Variants in HPCAL1 observed in about 807,000 individuals in gnomAD.
HPCAL1 encodes hippocalcin-like protein 1.
Under a neutral mutation model 17.1 loss-of-function variants are expected in HPCAL1, and 8 were observed. That is an observed-to-expected ratio of 0.47 (90% CI 0.27 to 0.84). HPCAL1 has a LOEUF of 0.84. Ranked by LOEUF, HPCAL1 falls within the 40% of genes least tolerant of loss-of-function variation. The pLI is 0.13. For synonymous variants in HPCAL1, 112 were observed against 111.4 expected, an observed-to-expected ratio of 1.01 and a Z score of -0.03; for missense variants, 165 against 271.1, an observed-to-expected ratio of 0.61 and a Z score of 2.75.
At chr2:10,411,723 C>T (rs545543623) in intron 2 of HPCAL1, among the ~76,000 whole-genome samples, 33 of 152,328 alleles carry the variant, frequency 2.2e-4, no homozygotes, top group Non-Finnish European at 4.9e-4. Context: ...ACACTGAGCA[C>T]CCCGCTGGCA....
In HPCAL1 at chr2:10,395,017, G is replaced by A. The variant is rs1294801788; in HGVS notation, c.-110-1818G>A. Among the ~76,000 whole-genome samples the A allele has an allele frequency of 2.0e-5, 3 of 151,624 alleles. No homozygotes were observed. In the East Asian group the frequency reaches 5.8e-4, roughly 30 times the overall value. ...TCATCATGTTGCCCAGGGTGGTCTCGAACTCCTGGAGTCAAGCAATCCACC... is the reference window on the plus strand; with the variant it reads ...TCATCATGTTGCCCAGGGTGGTCTCAAACTCCTGGAGTCAAGCAATCCACC... On this transcript the variant is annotated intron_variant, in intron 1 of 4. Transcript: ENST00000307845. The surrounding 1 kb of genome is among the most constrained non-coding windows in gnomAD (Gnocchi z 4.4).
At chr2:10,426,501 C>T (rs1286733398) in intron 4 of HPCAL1, 1 of 538,824 alleles carries the variant, frequency 1.9e-6, no homozygotes, top group Non-Finnish European at 3.4e-6. Flanking sequence ...GCTGGGTAAG[C>T]CCTTTGAGGT....
intron 2 of HPCAL1, among the ~76,000 whole-genome samples, chr2:10,418,726 G>A (rs1245063072): frequency 1.3e-5 from 2 of 152,158 alleles, no homozygotes; most frequent in African/African-American, 2.4e-5. Context: ...AGTGGCAGCC[G>A]TGTGAATGCC....
chr2:10,413,583 G>A (rs1247258712), intron 2 of HPCAL1, among the ~76,000 whole-genome samples: 1 of 152,236 alleles, frequency 6.6e-6, no homozygotes, highest in East Asian at 1.9e-4. Flanking sequence ...GCAGGAAGGT[G>A]CTGGGAATGC....
intron 1 of HPCAL1, among the ~76,000 whole-genome samples, chr2:10,364,968 G>A (rs556790966): frequency 5.3e-5 from 8 of 152,268 alleles, no homozygotes; most frequent in Admixed American, 3.9e-4. Context: ...CCACTGTGGG[G>A]CCTTCTACAA....
At chr2:10,346,808 T>TGGA (rs1052234922) in intron 1 of HPCAL1, among the ~76,000 whole-genome samples, 3 of 152,052 alleles carry the variant, frequency 2.0e-5, no homozygotes. Context: ...CATGTCTTTG[T>TGGA]GCTCCTCCAC....
chr2:10,404,077 C>T (rs1669814249), intron 2 of HPCAL1, among the ~76,000 whole-genome samples: 1 of 152,174 alleles, frequency 6.6e-6, no homozygotes, highest in Non-Finnish European at 1.5e-5. Context: ...TTTGTCCATT[C>T]ATTACCCATG....
chr2:10,334,903 C>T lies in HPCAL1; in HGVS notation c.-111+31726C>T, dbSNP rs755865133. ...AAGTTGCCCAGCCTGGTCTTGAACTCCTGAGCGCAAGTGAGCCACCTGCCT... is the reference window on the plus strand; with the variant it reads ...AAGTTGCCCAGCCTGGTCTTGAACTTCTGAGCGCAAGTGAGCCACCTGCCT... On this transcript the variant is annotated intron_variant, in intron 1 of 4. Coordinates refer to ENST00000307845, the MANE Select transcript of HPCAL1 (RefSeq NM_002149.4). Among the ~76,000 whole-genome samples the T allele has an allele frequency of 4.6e-5, 7 of 152,348 alleles. No homozygotes were observed. The South Asian group carries it at 6.2e-4, about 14-fold the overall frequency.
At chr2:10,376,119 C>T (rs910382572) in intron 1 of HPCAL1, among the ~76,000 whole-genome samples, 50 of 152,298 alleles carry the variant, frequency 3.3e-4, no homozygotes, top group African/African-American at 1.2e-3. Context: ...GGCTCCCCAT[C>T]GCCTCCCACC....
chr2:10,355,644 C>G (rs1037407561), intron 1 of HPCAL1, among the ~76,000 whole-genome samples: 1 of 151,914 alleles, frequency 6.6e-6, no homozygotes, highest in Non-Finnish European at 1.5e-5. Flanking sequence ...ACAGGGACAC[C>G]CAGAGAGCGG....
chr2:10,399,936 A>G (rs1412578452), intron 2 of HPCAL1, among the ~76,000 whole-genome samples: 2 of 152,232 alleles, frequency 1.3e-5, no homozygotes, highest in Admixed American at 6.5e-5. Flanking sequence ...GACCAGAGTA[A>G]ACCTGGCCCC....
intron 1 of HPCAL1, among the ~76,000 whole-genome samples, chr2:10,307,353 T>C (rs1173114416): frequency 6.6e-6 from 1 of 152,216 alleles, no homozygotes; most frequent in African/African-American, 2.4e-5. Context: ...AAGTGAGGTC[T>C]CCTCTCAGGT....
chr2:10,321,989 A>G (rs1663697480), intron 1 of HPCAL1, among the ~76,000 whole-genome samples: 1 of 152,152 alleles, frequency 6.6e-6, no homozygotes, highest in African/African-American at 2.4e-5. Flanking sequence ...TCTCTTAGGC[A>G]AATAGAGAGA....
chr2:10,316,626 G>A (rs2125394391), intron 1 of HPCAL1, among the ~76,000 whole-genome samples: 1 of 152,308 alleles, frequency 6.6e-6, no homozygotes, highest in Middle Eastern at 3.4e-3. Context: ...GGAAAGTTAT[G>A]AAGATGAGGC....
chr2:10,314,396 T>C (rs1453366784), intron 1 of HPCAL1, among the ~76,000 whole-genome samples: 2 of 152,132 alleles, frequency 1.3e-5, no homozygotes, highest in Non-Finnish European at 2.9e-5. Context: ...TCCTGTTAAC[T>C]TCCTATATTA....
chr2:10,383,879 GC>G (rs1483379457), intron 1 of HPCAL1, among the ~76,000 whole-genome samples: 5 of 151,910 alleles, frequency 3.3e-5, no homozygotes, highest in African/African-American at 1.2e-4. Flanking sequence ...ATGCTGGTAG[GC>G]ATGTCCCCTC....
At chr2:10,416,395 G>A (rs1670678268) in intron 2 of HPCAL1, among the ~76,000 whole-genome samples, 1 of 152,170 alleles carries the variant, frequency 6.6e-6, no homozygotes, top group Non-Finnish European at 1.5e-5. Context: ...GATCCGCCAA[G>A]GCAACACAGG....
At chr2:10,346,446 T>C (rs1665456566) in intron 1 of HPCAL1, among the ~76,000 whole-genome samples, 1 of 152,224 alleles carries the variant, frequency 6.6e-6, no homozygotes, top group Non-Finnish European at 1.5e-5. Flanking sequence ...TTTGTCTGCC[T>C]GGCCCCAGTC....
At chr2:10,353,460 C>T (rs1665948521) in intron 1 of HPCAL1, among the ~76,000 whole-genome samples, 1 of 152,176 alleles carries the variant, frequency 6.6e-6, no homozygotes, top group Non-Finnish European at 1.5e-5. Context: ...TGTGGGGATA[C>T]TGGTTCAGGG....
Sources: allele counts gnomAD v4.1 joint callset (sites outside exome capture counted in the v4.1 genomes callset), GRCh38; gene constraint gnomAD v4.1.1; non-coding constraint Gnocchi (gnomAD v3.1); transcripts MANE v1.5; gene names NCBI Gene and HGNC (gene_info 2026-07-23, HGNC 2026-07-21).